GUCY1A2: variants seen among roughly 807,000 people sequenced by gnomAD.
GUCY1A2 encodes guanylate cyclase 1 soluble subunit alpha 2.
GUCY1A2 carries 27 observed loss-of-function variants against 63.5 expected under a neutral mutation model. That is an observed-to-expected ratio of 0.43 (90% confidence interval 0.31 to 0.59). The LOEUF is 0.59. Ranked by LOEUF, GUCY1A2 falls within the 20% of genes least tolerant of loss-of-function variation. The probability of loss-of-function intolerance (pLI) is 0.11; values close to 1 mark genes in which losing one functional copy is unlikely to be tolerated. For missense variants in GUCY1A2, 768 were observed against 913.3 expected (o/e 0.84, Z 2.05); for synonymous variants, 364 against 343.5 (o/e 1.06, Z -0.66).
intron 7 of GUCY1A2, among the ~76,000 whole-genome samples, chr11:106,695,603 C>T (rs11211869): frequency 0.093 from 14,156 of 152,090 alleles, 884 homozygotes; most frequent in Non-Finnish European, 0.14. Context: ...GGAACTCTGC[C>T]CTGTATTTCT....
intron 5 of GUCY1A2, among the ~76,000 whole-genome samples, chr11:106,809,614 T>C (rs1858736930): frequency 6.6e-6 from 1 of 152,184 alleles, no homozygotes; most frequent in South Asian, 2.1e-4. Context: ...TATAACTTGC[T>C]ATTTGTTTTT....
chr11:106,780,661 C>T (rs1327656444), intron 5 of GUCY1A2, among the ~76,000 whole-genome samples: 1 of 152,162 alleles, frequency 6.6e-6, no homozygotes, highest in African/African-American at 2.4e-5. Context: ...CATGGCTATG[C>T]TTAATGTATA....
intron 4 of GUCY1A2, among the ~76,000 whole-genome samples, chr11:106,830,073 T>G (rs1486587715): frequency 6.6e-6 from 1 of 152,194 alleles, no homozygotes; most frequent in Non-Finnish European, 1.5e-5. Context: ...TCCTCTTTAT[T>G]TTGTTAAGAA....
At chr11:106,831,162 A>G (rs991098458) in intron 4 of GUCY1A2, among the ~76,000 whole-genome samples, 10 of 152,174 alleles carry the variant, frequency 6.6e-5, no homozygotes, top group Non-Finnish European at 2.9e-5. Context: ...GCTTAGTTTT[A>G]TCAATTAAAA....
At chr11:106,961,051 G>C (rs1216652619) in intron 3 of GUCY1A2, among the ~76,000 whole-genome samples, 1 of 152,048 alleles carries the variant, frequency 6.6e-6, no homozygotes, top group Non-Finnish European at 1.5e-5. Flanking sequence ...CACAGCATAA[G>C]AACCATTCCC....
At chr11:106,730,729 A>G (rs1394551765) in intron 6 of GUCY1A2, among the ~76,000 whole-genome samples, 1 of 152,156 alleles carries the variant, frequency 6.6e-6, no homozygotes, top group Admixed American at 6.6e-5. Flanking sequence ...TTACATTCCC[A>G]TCAACAGTGT....
intron 3 of GUCY1A2, among the ~76,000 whole-genome samples, chr11:106,959,470 A>G (rs1861032610): frequency 6.6e-6 from 1 of 152,164 alleles, no homozygotes; most frequent in African/African-American, 2.4e-5. Context: ...CACTTTATGT[A>G]TAAAGTTTTC....
chr11:106,806,110 T>C (rs1858680914), intron 5 of GUCY1A2, among the ~76,000 whole-genome samples: 1 of 151,966 alleles, frequency 6.6e-6, no homozygotes, highest in African/African-American at 2.4e-5. Context: ...CACACAAACA[T>C]AATCACATAA....
At chr11:106,828,467 T>A (rs1274859720) in intron 4 of GUCY1A2, among the ~76,000 whole-genome samples, 1 of 152,182 alleles carries the variant, frequency 6.6e-6, no homozygotes, top group African/African-American at 2.4e-5. Context: ...CCTTTCCCTA[T>A]TGTTTATTTT....
chr11:106,909,732 C>T (rs901837022), intron 4 of GUCY1A2, among the ~76,000 whole-genome samples: 2 of 151,968 alleles, frequency 1.3e-5, no homozygotes, highest in Non-Finnish European at 2.9e-5. Context: ...GGATGTAACA[C>T]AGGCTGTTTA....
At chr11:106,733,075 C>T (rs1413686474) in intron 6 of GUCY1A2, among the ~76,000 whole-genome samples, 1 of 152,140 alleles carries the variant, frequency 6.6e-6, no homozygotes, top group Non-Finnish European at 1.5e-5. Context: ...TTCAAAAACG[C>T]TTGTTTTCCA....
intron 4 of GUCY1A2, among the ~76,000 whole-genome samples, chr11:106,869,680 T>C (rs545543530): frequency 9.3e-4 from 141 of 152,248 alleles, no homozygotes; most frequent in African/African-American, 3.2e-3. Flanking sequence ...AGTTCAACCA[T>C]TGTGGAAGAC....
At chr11:106,844,561 A>T (rs1405357228) in intron 4 of GUCY1A2, among the ~76,000 whole-genome samples, 1 of 151,736 alleles carries the variant, frequency 6.6e-6, no homozygotes, top group Non-Finnish European at 1.5e-5. Context: ...GCTCTTAATT[A>T]CTATTCCTTC....
At chr11:106,692,977 G>C (rs946180954) in intron 7 of GUCY1A2, among the ~76,000 whole-genome samples, 1 of 152,186 alleles carries the variant, frequency 6.6e-6, no homozygotes, top group Non-Finnish European at 1.5e-5. Flanking sequence ...TGAAATCACT[G>C]TGTGAAATTG....
At chr11:106,942,166 A>G (rs1266386858) in intron 3 of GUCY1A2, among the ~76,000 whole-genome samples, 1 of 152,138 alleles carries the variant, frequency 6.6e-6, no homozygotes, top group East Asian at 1.9e-4. Context: ...ACTTAAATCA[A>G]TACATACTGT....
intron 4 of GUCY1A2, among the ~76,000 whole-genome samples, chr11:106,905,826 C>T (rs1200970700): frequency 6.6e-6 from 1 of 152,124 alleles, no homozygotes; most frequent in African/African-American, 2.4e-5. Flanking sequence ...CTATGTTTTG[C>T]ATGTATGTAC....
At chr11:106,838,471 T>A (rs1231917596) in intron 4 of GUCY1A2, among the ~76,000 whole-genome samples, 1 of 152,012 alleles carries the variant, frequency 6.6e-6, no homozygotes, top group East Asian at 1.9e-4. Context: ...TTTATATACA[T>A]ATATTCATAA....
At chr11:106,858,284 A>C (rs890564824) in intron 4 of GUCY1A2, among the ~76,000 whole-genome samples, 1 of 152,182 alleles carries the variant, frequency 6.6e-6, no homozygotes, top group African/African-American at 2.4e-5. Context: ...GAGTTATATA[A>C]AGAAATGAAT....
rs1565314395 is a variant in GUCY1A2, at chr11:106,866,360, CA to C, written c.1207-55883del. On this transcript the variant is annotated intron_variant, in intron 4 of 7. Transcript: ENST00000526355. ...CCTGTTAGACTAATGAGTCACAAAACATTTCCTAAGGAAGCATATTTGTCAT... is the reference window on the plus strand; with the variant it reads ...CCTGTTAGACTAATGAGTCACAAAACTTTCCTAAGGAAGCATATTTGTCAT... Among the ~76,000 whole-genome samples the C allele has an allele frequency of 5.9e-5, 9 of 152,138 alleles. No homozygotes were observed. In the South Asian group the frequency reaches 1.0e-3, roughly 17 times the overall value.
Sources: allele counts gnomAD v4.1 joint callset (sites outside exome capture counted in the v4.1 genomes callset), GRCh38; gene constraint gnomAD v4.1.1; transcripts MANE v1.5; gene names NCBI Gene and HGNC (gene_info 2026-07-23, HGNC 2026-07-21).